The following KCNT2 variants were observed in gnomAD, a reference collection of about 807,000 sequenced individuals.
KCNT2 encodes the protein potassium sodium-activated channel subfamily T member 2.
A neutral mutation model predicts 153.8 loss-of-function variants in KCNT2; 67 were observed. The ratio of observed to expected loss-of-function variants is 0.44; its 90% CI spans 0.36 to 0.53. The LOEUF (loss-of-function observed/expected upper bound fraction) is 0.53. KCNT2 is among the 20% of genes least tolerant of loss of function. KCNT2 has a pLI of 0.00. For synonymous variants in KCNT2, 500 were observed against 458.8 expected (o/e 1.09, Z -1.15); for missense variants, 975 against 1,354.8 (o/e 0.72, Z 4.40).
intron 1 of KCNT2, among the ~76,000 whole-genome samples, chr1:196,596,062 A>G (rs1664041689): frequency 4.5e-4 from 1 of 2,220 alleles, no homozygotes; most frequent in African/African-American, 4.7e-4. Context: ...ATGTGTATAT[A>G]TATATATATA....
chr1:196,406,243 A>G (rs1671820110), intron 12 of KCNT2, among the ~76,000 whole-genome samples: 1 of 151,546 alleles, frequency 6.6e-6, no homozygotes. Context: ...TATCATCTAT[A>G]ACTAATTGAC....
At chr1:196,467,937 A>G in intron 6 of KCNT2, 151 bp from the exon 7 acceptor site, 1 of 472,644 alleles carries the variant, frequency 2.1e-6, no homozygotes, top group East Asian at 3.0e-5. Flanking sequence ...AATAAAATGT[A>G]AGGAATTGAT....
At chr1:196,367,235 A>T (rs1313784308) in intron 14 of KCNT2, among the ~76,000 whole-genome samples, 1 of 152,314 alleles carries the variant, frequency 6.6e-6, no homozygotes, top group African/African-American at 2.4e-5. Context: ...ACTATAAAAA[A>T]AAATCATGTA....
chr1:196,284,241 A>AT (rs1659411326), intron 23 of KCNT2, among the ~76,000 whole-genome samples: 6 of 43,514 alleles, frequency 1.4e-4, no homozygotes. Flanking sequence ...AAAAAAAAAA[A>AT]AAAAAAAATA....
intron 13 of KCNT2, 132 bp downstream of exon 13, chr1:196,398,431 G>T (rs570086745): frequency 1.8e-6 from 1 of 555,156 alleles, no homozygotes; most frequent in South Asian, 2.7e-5. Flanking sequence ...AAGTAAATTA[G>T]TTTTAATAAT....
At chr1:196,408,737 C>G (rs1173197784) in intron 12 of KCNT2, among the ~76,000 whole-genome samples, 1 of 151,516 alleles carries the variant, frequency 6.6e-6, no homozygotes, top group Non-Finnish European at 1.5e-5. Context: ...CAATTATAAT[C>G]AGATAACATA....
At chr1:196,341,233 A>G in intron 15 of KCNT2, among the ~76,000 whole-genome samples, 1 of 152,052 alleles carries the variant, frequency 6.6e-6, no homozygotes, top group South Asian at 2.1e-4. Context: ...AAACATACTC[A>G]TAACACTTAC....
chr1:196,386,974 C>T (rs1045571908), intron 13 of KCNT2, among the ~76,000 whole-genome samples: 15 of 151,976 alleles, frequency 9.9e-5, no homozygotes, highest in African/African-American at 3.6e-4. Flanking sequence ...CATGTAAACA[C>T]AGTTTTGTAG....
chr1:196,470,861 C>T (rs1323323132), intron 5 of KCNT2, among the ~76,000 whole-genome samples: 2 of 144,874 alleles, frequency 1.4e-5, no homozygotes, highest in East Asian at 4.3e-4. Flanking sequence ...TATATTGACC[C>T]TAATTTCTTT....
At chr1:196,500,712 A>G (rs1680631041) in intron 1 of KCNT2, among the ~76,000 whole-genome samples, 1 of 152,226 alleles carries the variant, frequency 6.6e-6, no homozygotes, top group Admixed American at 6.5e-5. Flanking sequence ...GGAATTAATT[A>G]AACGAAAACT....
intron 1 of KCNT2, among the ~76,000 whole-genome samples, chr1:196,553,631 C>T (rs2148903216): frequency 6.6e-6 from 1 of 151,100 alleles, no homozygotes; most frequent in South Asian, 2.1e-4. Context: ...CACTATAGAG[C>T]AAATGAACAC....
chr1:196,581,899 A>G (rs2148977882), intron 1 of KCNT2, among the ~76,000 whole-genome samples: 1 of 152,252 alleles, frequency 6.6e-6, no homozygotes, highest in Admixed American at 6.6e-5. Flanking sequence ...CAGCTGGATA[A>G]TAGGCATCAC....
intron 26 of KCNT2, among the ~76,000 whole-genome samples, chr1:196,243,566 T>C (rs968960954): frequency 6.6e-6 from 1 of 152,080 alleles, no homozygotes; most frequent in African/African-American, 2.4e-5. Context: ...TGAGACTGCA[T>C]TGGAACTCAA....
chr1:196,502,124 A>G (rs533992344), intron 1 of KCNT2, among the ~76,000 whole-genome samples: 1 of 152,270 alleles, frequency 6.6e-6, no homozygotes, highest in Admixed American at 6.5e-5. Context: ...CTCAAAAATA[A>G]ATTAAAAAAA....
intron 19 of KCNT2, among the ~76,000 whole-genome samples, chr1:196,323,156 T>TA (rs1663499099): frequency 6.6e-6 from 1 of 151,948 alleles, no homozygotes; most frequent in Non-Finnish European, 1.5e-5. Flanking sequence ...TGAATAAGTC[T>TA]AAAGTTTGAA....
intron 8 of KCNT2, among the ~76,000 whole-genome samples, chr1:196,444,483 G>A (rs1675518169): frequency 1.3e-5 from 2 of 151,090 alleles, no homozygotes; most frequent in Non-Finnish European, 3.0e-5. Context: ...CTTAAAAAAA[G>A]GGAATTCTTG....
At chr1:196,470,911 G>A (rs1197400907) in intron 5 of KCNT2, among the ~76,000 whole-genome samples, 12 of 124,160 alleles carry the variant, frequency 9.7e-5, no homozygotes, top group South Asian at 5.0e-4. Context: ...ACAGAGTCTC[G>A]CTCTGTCACC....
intron 1 of KCNT2, among the ~76,000 whole-genome samples, chr1:196,537,941 C>G (rs897050749): frequency 1.3e-5 from 2 of 152,172 alleles, no homozygotes; most frequent in Non-Finnish European, 2.9e-5. Flanking sequence ...TTTCCAAGTT[C>G]TGTAGCTGGG....
intron 1 of KCNT2, among the ~76,000 whole-genome samples, chr1:196,518,350 C>CA (rs944574422): frequency 7.1e-4 from 108 of 151,746 alleles, no homozygotes; most frequent in African/African-American, 2.4e-3. Context: ...AACAACCACA[C>CA]AAAAAAGCCA....
Sources: gnomAD v4.1 joint callset for allele counts (sites outside exome capture counted in the v4.1 genomes callset) on GRCh38, gnomAD v4.1.1 for gene constraint, MANE v1.5 for transcripts, NCBI Gene and HGNC (gene_info 2026-07-23, HGNC 2026-07-21) for gene names.